The following KIAA1958 variants were observed in gnomAD, a reference collection of about 807,000 sequenced individuals.
KIAA1958 encodes the protein KIAA1958, also known as uncharacterized protein KIAA1958.
KIAA1958 carries 14 observed loss-of-function variants against 47.2 expected under a neutral mutation model. The observed-to-expected ratio is 0.30, with a 90% confidence interval of 0.20 to 0.46. The LOEUF is 0.46. Ranked by LOEUF, KIAA1958 falls within the 20% of genes least tolerant of loss-of-function variation. The probability of loss-of-function intolerance (pLI) is 1.00; values close to 1 mark genes in which losing one functional copy is unlikely to be tolerated. For synonymous variants in KIAA1958, 354 were observed against 353.3 expected (o/e 1.00, Z -0.02); for missense variants, 803 against 909.2 (o/e 0.88, Z 1.50).
chr9:112,512,757 A>T (rs1834344026), intron 1 of KIAA1958, among the ~76,000 whole-genome samples: 2 of 151,790 alleles, frequency 1.3e-5, no homozygotes, highest in South Asian at 4.2e-4. Flanking sequence ...TACCAGAGTG[A>T]TGAGTGCAAT....
chr9:112,507,492 G>C (rs1399376648), intron 1 of KIAA1958, among the ~76,000 whole-genome samples: 2 of 152,084 alleles, frequency 1.3e-5, no homozygotes, highest in African/African-American at 4.8e-5. Context: ...ACCATTATAG[G>C]CATGTGCCAC....
rs1332860667 is a variant in KIAA1958, at chr9:112,662,887, T to C, written c.*2818T>C. The C allele has an allele frequency of 2.0e-5, 3 of 152,302 alleles. No homozygotes were observed. The highest frequency in any genetic ancestry group is 2.1e-4 in the South Asian group (1 of 4,832). The allele number at this position is 152,302 out of a possible 1,614,324, so 9.4% of individuals were successfully genotyped here. A position where few individuals can be genotyped will look rare whatever the true frequency, so the allele number is the denominator to read the frequency against. On this transcript the variant is annotated 3_prime_UTR_variant, in exon 4 of 4. Coordinates refer to ENST00000337530, the MANE Select transcript of KIAA1958 (RefSeq NM_133465.4). ...AAGGGGGCCAGAGTAGCAGTCCTCG[T>C]TGGCGTTCTAAGGCAGTTGTTCTGG...
At chr9:112,500,501 G>A (rs958179775) in intron 1 of KIAA1958, among the ~76,000 whole-genome samples, 1 of 151,024 alleles carries the variant, frequency 6.6e-6, no homozygotes, top group African/African-American at 2.4e-5. Context: ...TGTTGCCCAG[G>A]CTGGTCTCGA....
intron 1 of KIAA1958, among the ~76,000 whole-genome samples, chr9:112,530,043 C>G (rs1053810008): frequency 6.6e-6 from 1 of 152,086 alleles, no homozygotes. Flanking sequence ...CAGGGTTTCA[C>G]CGTGTTAGCC....
intron 2 of KIAA1958, among the ~76,000 whole-genome samples, chr9:112,631,764 A>C (rs1235746114): frequency 3.3e-5 from 5 of 152,124 alleles, no homozygotes; most frequent in Admixed American, 6.5e-5. Context: ...TTCAAAAACT[A>C]ATCTAGCTGT....
At chr9:112,589,621 C>T (rs1312016857) in intron 2 of KIAA1958, among the ~76,000 whole-genome samples, 1 of 152,186 alleles carries the variant, frequency 6.6e-6, no homozygotes, top group Non-Finnish European at 1.5e-5. Context: ...GGTGTGGGTT[C>T]CTGCTGCAGT....
intron 1 of KIAA1958, among the ~76,000 whole-genome samples, chr9:112,520,619 A>G (rs138975179): frequency 4.5e-4 from 69 of 152,378 alleles, no homozygotes; most frequent in African/African-American, 1.6e-3. Context: ...TGAGAAATCA[A>G]TGAATTTTTC....
At chr9:112,545,929 A>T (rs569429912) in intron 1 of KIAA1958, among the ~76,000 whole-genome samples, 2 of 151,466 alleles carry the variant, frequency 1.3e-5, no homozygotes, top group East Asian at 3.9e-4. Flanking sequence ...GAAATACATA[A>T]ACTTGTCAGA....
chr9:112,598,695 T>C (rs748188148), intron 2 of KIAA1958, among the ~76,000 whole-genome samples: 3 of 152,174 alleles, frequency 2.0e-5, no homozygotes, highest in Non-Finnish European at 4.4e-5. Flanking sequence ...CAAAGCAGTA[T>C]ATCCTGAGAA....
intron 1 of KIAA1958, among the ~76,000 whole-genome samples, chr9:112,487,973 G>GTGTGTGTGTGTT (rs747494684): frequency 1.3e-5 from 2 of 150,264 alleles, no homozygotes; most frequent in Non-Finnish European, 2.9e-5. Context: ...GTGTGTGTGT[G>GTGTGTGTGTGTT]TTTTGAAGTT....
At chr9:112,578,596 A>G (rs1044382606) in intron 2 of KIAA1958, among the ~76,000 whole-genome samples, 1 of 152,164 alleles carries the variant, frequency 6.6e-6, no homozygotes, top group Non-Finnish European at 1.5e-5. Flanking sequence ...TTTGATTCCC[A>G]TAGTGGAAAA....
chr9:112,592,871 G>A (rs1835947841), intron 2 of KIAA1958, among the ~76,000 whole-genome samples: 1 of 152,266 alleles, frequency 6.6e-6, no homozygotes, highest in Non-Finnish European at 1.5e-5. Context: ...GAAGGAATGA[G>A]GTATGTCTAT....
At chr9:112,569,950 C>T (rs910002618) in intron 1 of KIAA1958, among the ~76,000 whole-genome samples, 1 of 152,072 alleles carries the variant, frequency 6.6e-6, no homozygotes, top group Non-Finnish European at 1.5e-5. Context: ...AAGTGTTTTA[C>T]TTTTTCTTGT....
chr9:112,616,435 T>G (rs531161007), intron 2 of KIAA1958, among the ~76,000 whole-genome samples: 1 of 152,350 alleles, frequency 6.6e-6, no homozygotes, highest in South Asian at 2.1e-4. Flanking sequence ...TAAATAAAAT[T>G]CAGTTTATTA....
At chr9:112,557,314 C>G (rs1588016870) in intron 1 of KIAA1958, among the ~76,000 whole-genome samples, 1 of 152,146 alleles carries the variant, frequency 6.6e-6, no homozygotes, top group Non-Finnish European at 1.5e-5. Flanking sequence ...GTGCTAAAGA[C>G]AGTGCTGGGC....
intron 1 of KIAA1958, among the ~76,000 whole-genome samples, chr9:112,503,375 T>G (rs1308632214): frequency 6.6e-6 from 1 of 152,038 alleles, no homozygotes; most frequent in Non-Finnish European, 1.5e-5. Flanking sequence ...AAGAGCTGGC[T>G]GGTCGCGGTG....
At chr9:112,581,869 T>C in intron 2 of KIAA1958, 1 of 229,512 alleles carries the variant, frequency 4.4e-6, no homozygotes, top group Non-Finnish European at 9.4e-6. Context: ...AGCCTTGGTT[T>C]TCTTGGTCAC....
intron 1 of KIAA1958, among the ~76,000 whole-genome samples, chr9:112,495,072 C>A (rs1474872858): frequency 6.6e-6 from 1 of 151,746 alleles, no homozygotes; most frequent in Non-Finnish European, 1.5e-5. Flanking sequence ...ATGTGTGCCA[C>A]CACTACCAGC....
intron 1 of KIAA1958, among the ~76,000 whole-genome samples, chr9:112,494,343 C>T (rs1412018080): frequency 6.6e-6 from 1 of 151,840 alleles, no homozygotes; most frequent in East Asian, 1.9e-4. Flanking sequence ...TCTTTGGGGC[C>T]TCCTATTATA....
Sources: allele counts gnomAD v4.1 joint callset (sites outside exome capture counted in the v4.1 genomes callset), GRCh38; gene constraint gnomAD v4.1.1; transcripts MANE v1.5; gene names NCBI Gene and HGNC (gene_info 2026-07-23, HGNC 2026-07-21).